The following TTC27 variants were observed in gnomAD, a reference collection of about 807,000 sequenced individuals.
TTC27 encodes the protein tetratricopeptide repeat protein 27.
Under a neutral mutation model 115.9 loss-of-function variants are expected in TTC27, and 79 were observed. The ratio of observed to expected loss-of-function variants is 0.68; its 90% confidence interval spans 0.57 to 0.82. The LOEUF (loss-of-function observed/expected upper bound fraction) is 0.82, where lower values mean the gene tolerates loss of function less well. Among genes scored for constraint, TTC27 ranks in the 40% least tolerant of loss-of-function variants. The pLI, the probability that TTC27 is intolerant of heterozygous loss-of-function variation, is 0.00. For synonymous variants in TTC27, 401 were observed against 356.0 expected, an observed-to-expected ratio of 1.13 and a Z score of -1.42; for missense variants, 1,054 against 993.1, an observed-to-expected ratio of 1.06 and a Z score of -0.82.
chr2:32,652,232 A>G (rs1193446569), intron 5 of TTC27, among the ~76,000 whole-genome samples: 1 of 152,114 alleles, frequency 6.6e-6, no homozygotes, highest in African/African-American at 2.4e-5. Flanking sequence ...TTAGCTGGGC[A>G]TGGTGGTGGG....
chr2:32,706,077 CTTT>C (rs148953090), intron 10 of TTC27, among the ~76,000 whole-genome samples: 537 of 53,154 alleles, frequency 0.01, no homozygotes, highest in Middle Eastern at 0.042. Context: ...TTACCTTACT[CTTT>C]TTTTTTTTTT....
chr2:32,687,196 A>T (rs1372357319), intron 9 of TTC27, among the ~76,000 whole-genome samples: 1 of 152,168 alleles, frequency 6.6e-6, no homozygotes, highest in Admixed American at 6.5e-5. Flanking sequence ...TGAACAAGTG[A>T]TCCTATGTGG....
chr2:32,642,996 G>A (rs138200454), intron 4 of TTC27, among the ~76,000 whole-genome samples: 3,058 of 152,066 alleles, frequency 0.02, 51 homozygotes, highest in African/African-American at 0.038. Flanking sequence ...TTGAGACAGC[G>A]TCTTGCTCTG....
At chr2:32,818,435 C>T (rs1187994140) in intron 19 of TTC27, among the ~76,000 whole-genome samples, 1 of 152,098 alleles carries the variant, frequency 6.6e-6, no homozygotes, top group African/African-American at 2.4e-5. Flanking sequence ...TGAAATACGC[C>T]ATTAGTTCAC....
chr2:32,710,170 C>T (rs967164891), intron 10 of TTC27, among the ~76,000 whole-genome samples: 4 of 151,934 alleles, frequency 2.6e-5, no homozygotes, highest in African/African-American at 4.8e-5. Flanking sequence ...CATGCACCAC[C>T]GACTTAATTT....
intron 9 of TTC27, among the ~76,000 whole-genome samples, chr2:32,679,142 A>G (rs1666331358): frequency 6.6e-6 from 1 of 152,220 alleles, no homozygotes; most frequent in Non-Finnish European, 1.5e-5. Context: ...GGTCATGGTG[A>G]AAAAGAAAGC....
At chr2:32,721,375 T>C (rs1216232811) in intron 10 of TTC27, among the ~76,000 whole-genome samples, 1 of 152,186 alleles carries the variant, frequency 6.6e-6, no homozygotes, top group Admixed American at 6.5e-5. Context: ...GTCTCGGAGA[T>C]AGCTGGATTC....
At chr2:32,719,856 T>G (rs1572546397) in intron 10 of TTC27, among the ~76,000 whole-genome samples, 1 of 151,968 alleles carries the variant, frequency 6.6e-6, no homozygotes, top group Non-Finnish European at 1.5e-5. Flanking sequence ...GAAAGGATGG[T>G]TTATGCCCAC....
intron 8 of TTC27, among the ~76,000 whole-genome samples, chr2:32,675,483 A>G (rs1028206576): frequency 2.0e-5 from 3 of 152,120 alleles, no homozygotes; most frequent in Non-Finnish European, 4.4e-5. Flanking sequence ...ATTTCAATAT[A>G]TAGAGCAGAT....
intron 10 of TTC27, among the ~76,000 whole-genome samples, chr2:32,707,904 G>C (rs570568541): frequency 1.6e-4 from 25 of 151,974 alleles, no homozygotes; most frequent in Admixed American, 2.6e-4. Flanking sequence ...AGCTGGGGCA[G>C]GGAAAATGAT....
At chr2:32,679,415 A>G (rs1666341305) in intron 9 of TTC27, among the ~76,000 whole-genome samples, 1 of 152,242 alleles carries the variant, frequency 6.6e-6, no homozygotes, top group African/African-American at 2.4e-5. Flanking sequence ...GAAGAATAGC[A>G]GTGAAAAGGA....
intron 4 of TTC27, among the ~76,000 whole-genome samples, chr2:32,645,257 G>A (rs1378496136): frequency 6.6e-6 from 1 of 152,268 alleles, no homozygotes; most frequent in Non-Finnish European, 1.5e-5. Context: ...TGAGTAAAAT[G>A]AGTCTTGGTT....
chr2:32,664,066 G>C lies in TTC27; in HGVS notation c.641-237G>C, dbSNP rs567337450. On this transcript the variant is annotated intron_variant, in intron 5 of 19. Coordinates refer to ENST00000317907, the MANE Select transcript of TTC27 (RefSeq NM_017735.5). ...TATGAATCATATCTCCCAGGATTGT[G>C]TGGAATAAAGGAGATAGTGTACATA... Among the ~76,000 whole-genome samples, 3 of 152,088 alleles carry C rather than the reference G, an allele frequency of 2.0e-5. No individual in the cohort carries two copies. The South Asian group carries it at 6.2e-4, about 32-fold the overall frequency.
At chr2:32,775,861 C>G (rs145339896) in intron 13 of TTC27, among the ~76,000 whole-genome samples, 26 of 152,228 alleles carry the variant, frequency 1.7e-4, no homozygotes, top group African/African-American at 6.0e-4. Context: ...AAACTTTTTA[C>G]TTGGTTGGAG....
chr2:32,694,757 G>A (rs2151896696), intron 9 of TTC27, among the ~76,000 whole-genome samples: 1 of 150,176 alleles, frequency 6.7e-6, no homozygotes, highest in East Asian at 2.0e-4. Flanking sequence ...ACTGCAGCCT[G>A]GACCTCCCAG....
At chr2:32,814,562 A>G (rs534307175) in intron 18 of TTC27, among the ~76,000 whole-genome samples, 1 of 152,228 alleles carries the variant, frequency 6.6e-6, no homozygotes, top group East Asian at 1.9e-4. Flanking sequence ...CCACCCAATT[A>G]TAAAAAGGAA....
intron 5 of TTC27, among the ~76,000 whole-genome samples, chr2:32,652,813 G>A (rs1665179654): frequency 6.6e-6 from 1 of 152,106 alleles, no homozygotes; most frequent in South Asian, 2.1e-4. Flanking sequence ...TATTTGAAAT[G>A]TTGCCCTTGA....
chr2:32,693,342 G>A (rs1042999760), intron 9 of TTC27, among the ~76,000 whole-genome samples: 16 of 152,172 alleles, frequency 1.1e-4, no homozygotes, highest in African/African-American at 3.4e-4. Context: ...CAGCATCAGC[G>A]TCACCTGGGA....
intron 13 of TTC27, among the ~76,000 whole-genome samples, chr2:32,766,098 G>T (rs1225765960): frequency 2.0e-5 from 3 of 152,192 alleles, no homozygotes; most frequent in Non-Finnish European, 4.4e-5. Flanking sequence ...GGTACAGGAG[G>T]CCCAGCTTTC....
Sources: gnomAD v4.1 joint callset for allele counts (sites outside exome capture counted in the v4.1 genomes callset) on GRCh38, gnomAD v4.1.1 for gene constraint, MANE v1.5 for transcripts, NCBI Gene and HGNC (gene_info 2026-07-23, HGNC 2026-07-21) for gene names.